DMD: variants seen among roughly 807,000 people sequenced by gnomAD.
DMD encodes mutant dystrophin.
Under a neutral mutation model 330.1 loss-of-function variants are expected in DMD, and 63 were observed. That is an observed-to-expected ratio of 0.19 (90% confidence interval 0.16 to 0.24). The LOEUF is 0.24. Ranked by LOEUF, DMD falls within the 10% of genes least tolerant of loss-of-function variation. The probability of loss-of-function intolerance (pLI) is 1.00; values close to 1 mark genes in which losing one functional copy is unlikely to be tolerated. For missense variants in DMD, 3,344 were observed against 2,684.1 expected (o/e 1.25, Z -5.43); for synonymous variants, 1,223 against 959.8 (o/e 1.27, Z -5.07).
chrX:32,109,804 T>C (rs938417992), intron 44 of DMD, among the ~76,000 whole-genome samples: 1 of 111,785 alleles, frequency 8.9e-6, no homozygotes, highest in African/African-American at 3.2e-5. Flanking sequence ...CTATTATATT[T>C]TGATAGTCCT....
chrX:31,728,430 GAAACACACAC>G (rs1414064894), intron 52 of DMD, among the ~76,000 whole-genome samples: 7 of 112,000 alleles, frequency 6.3e-5, no homozygotes, highest in Admixed American at 5.7e-4. Flanking sequence ...GAAACACACA[GAAACACACAC>G]ATGTGCACAC....
In DMD at chrX:31,499,627, G is replaced by A. The variant is rs754596645; in HGVS notation, c.8391-2683C>T. Reference sequence around the variant, plus strand: ...CTGCATCAGCCTCCCAAGTGGCTGGGATTACAGGCGCCCACCACCACACCC... The same window carrying A: ...CTGCATCAGCCTCCCAAGTGGCTGGAATTACAGGCGCCCACCACCACACCC... On this transcript the variant is annotated intron_variant, in intron 56 of 78. Coordinates refer to ENST00000357033, the MANE Select transcript of DMD (RefSeq NM_004006.3). 8.2e-5 allele frequency among the ~76,000 whole-genome samples: 9 copies of A among 109,751 alleles called. No homozygotes were observed. In the Admixed American group the frequency reaches 8.7e-4, roughly 11 times the overall value.
At chrX:31,962,411 T>A (rs73467965) in intron 45 of DMD, among the ~76,000 whole-genome samples, 23,112 of 111,417 alleles carry the variant, frequency 0.21, 4,809 homozygotes, top group African/African-American at 0.64. Context: ...AACTTTAATG[T>A]GCCCATGAAT....
At chrX:32,972,890 T>C (rs776190448) in intron 2 of DMD, among the ~76,000 whole-genome samples, 3 of 112,194 alleles carry the variant, frequency 2.7e-5, no homozygotes, top group Non-Finnish European at 3.8e-5. Context: ...GATTATTATA[T>C]TTATTATCTA....
At chrX:32,473,066 T>C (rs966805738) in intron 21 of DMD, among the ~76,000 whole-genome samples, 29 of 111,241 alleles carry the variant, frequency 2.6e-4, no homozygotes, top group African/African-American at 9.1e-4. Flanking sequence ...TGTATATGTA[T>C]ATATATGAAA....
At chrX:32,351,888 C>G (rs747678150) in intron 37 of DMD, among the ~76,000 whole-genome samples, 4 of 110,390 alleles carry the variant, frequency 3.6e-5, no homozygotes, top group African/African-American at 1.3e-4. Flanking sequence ...GAGAGACTAC[C>G]AAAAACTGAA....
At chrX:32,175,666 G>A in intron 44 of DMD, among the ~76,000 whole-genome samples, 1 of 110,770 alleles carries the variant, frequency 9.0e-6, no homozygotes, top group Middle Eastern at 4.7e-3. Context: ...CTGTCTTCAT[G>A]GATCCTAGAT....
intron 54 of DMD, among the ~76,000 whole-genome samples, chrX:31,648,234 AT>A (rs2148551607): frequency 8.9e-6 from 1 of 111,791 alleles, no homozygotes; most frequent in Non-Finnish European, 1.9e-5. Flanking sequence ...TTATTTGTAA[AT>A]TTTTGATAGT....
chrX:33,149,569 C>A (rs5972764), intron 1 of DMD, among the ~76,000 whole-genome samples: 1 of 111,440 alleles, frequency 9.0e-6, no homozygotes, highest in Admixed American at 9.6e-5. Context: ...CTGAAGATAC[C>A]AGAAACTTAT....
intron 59 of DMD, among the ~76,000 whole-genome samples, chrX:31,468,793 C>T (rs2067068211): frequency 9.0e-6 from 1 of 111,235 alleles, no homozygotes; most frequent in Non-Finnish European, 1.9e-5. Flanking sequence ...ATTGTATGGG[C>T]ATCTATGTCT....
At chrX:32,721,902 T>A (rs1349350810) in intron 7 of DMD, among the ~76,000 whole-genome samples, 1 of 109,132 alleles carries the variant, frequency 9.2e-6, no homozygotes, top group African/African-American at 3.3e-5. Context: ...CAACACCATT[T>A]ATTGAAGAGA....
At chrX:31,766,839 A>G (rs947787141) in intron 51 of DMD, among the ~76,000 whole-genome samples, 2 of 109,628 alleles carry the variant, frequency 1.8e-5, no homozygotes, top group African/African-American at 3.3e-5. Context: ...CATTTTCCAT[A>G]AAAAGGTAAT....
At chrX:31,594,306 T>C (rs2077014467) in intron 55 of DMD, among the ~76,000 whole-genome samples, 1 of 110,170 alleles carries the variant, frequency 9.1e-6, no homozygotes, top group South Asian at 3.9e-4. Flanking sequence ...ATAGACAAAT[T>C]AGCTCAGAGT....
At chrX:32,752,565 CTG>C (rs1455966454) in intron 7 of DMD, among the ~76,000 whole-genome samples, 1 of 103,112 alleles carries the variant, frequency 9.7e-6, no homozygotes, top group Admixed American at 1.1e-4. Flanking sequence ...ACACTTTGGA[CTG>C]TGGAGTTTTG....
intron 55 of DMD, among the ~76,000 whole-genome samples, chrX:31,521,423 A>G (rs2072754722): frequency 8.9e-6 from 1 of 112,018 alleles, no homozygotes; most frequent in African/African-American, 3.2e-5. Context: ...TCAGCTTCCC[A>G]AAGTGCTGGG....
chrX:33,040,837 A>G (rs1322144220), intron 1 of DMD, among the ~76,000 whole-genome samples: 1 of 112,399 alleles, frequency 8.9e-6, no homozygotes, highest in Non-Finnish European at 1.9e-5. Context: ...AAATACACCC[A>G]TTATCAAGAA....
intron 19 of DMD, among the ~76,000 whole-genome samples, chrX:32,499,908 G>A (rs1295164441): frequency 9.0e-6 from 1 of 110,975 alleles, no homozygotes; most frequent in Non-Finnish European, 1.9e-5. Context: ...GACAAAAACG[G>A]AACAAATAGA....
intron 11 of DMD, among the ~76,000 whole-genome samples, chrX:32,626,218 C>A (rs1386866845): frequency 8.9e-6 from 1 of 111,791 alleles, no homozygotes; most frequent in South Asian, 3.7e-4. Context: ...GGCCTGTAAT[C>A]CCAGCATTTT....
At chrX:31,812,921 T>A (rs1181250324) in intron 50 of DMD, among the ~76,000 whole-genome samples, 1 of 112,292 alleles carries the variant, frequency 8.9e-6, no homozygotes, top group East Asian at 2.8e-4. Context: ...TTAGGTTTGC[T>A]CAGAAGTAGA....
Sources: allele counts gnomAD v4.1 joint callset (sites outside exome capture counted in the v4.1 genomes callset), GRCh38; gene constraint gnomAD v4.1.1; transcripts MANE v1.5; gene names NCBI Gene and HGNC (gene_info 2026-07-23, HGNC 2026-07-21).